Variants in TIMMDC1 observed in about 807,000 individuals in gnomAD.
TIMMDC1 encodes the protein translocase of inner mitochondrial membrane domain containing 1.
A neutral mutation model predicts 32.6 loss-of-function variants in TIMMDC1; 25 were observed. The observed-to-expected ratio is 0.77, with a 90% CI of 0.56 to 1.07. The LOEUF is 1.07. Among genes scored for constraint, TIMMDC1 ranks in the 50% least tolerant of loss-of-function variants. TIMMDC1 has a pLI of 0.00. For missense variants in TIMMDC1, 329 were observed against 349.2 expected, an observed-to-expected ratio of 0.94 and a Z score of 0.46; for synonymous variants, 130 against 127.6, an observed-to-expected ratio of 1.02 and a Z score of -0.13.
rs1560044126 is a variant in TIMMDC1 at position 119,498,905 on chromosome 3, C to T, written c.172C>T (p.Leu58Phe). The change falls in exon 1 of 7, where the codon CTC (leucine) becomes TTC (phenylalanine). Residue 58 changes from leucine to phenylalanine, a missense_variant. Coordinates refer to ENST00000494664, the MANE Select transcript of TIMMDC1 (RefSeq NM_016589.4). Reference sequence around the variant, plus strand: ...TTACCCGGAATCTGGATGGGACCGCCTCCGGGAGCTGTTTGGCAAAGAGTA... The same window carrying T: ...TTACCCGGAATCTGGATGGGACCGCTTCCGGGAGCTGTTTGGCAAAGAGTA... ...PYYPESGWDRLRELFGKDEQQ... is the reference protein window; with the variant it reads ...PYYPESGWDRFRELFGKDEQQ... 2.5e-6 allele frequency: 4 copies of T among 1,613,930 alleles called. No individual in the cohort carries two copies. The highest frequency in any genetic ancestry group is 3.4e-6 in the Non-Finnish European group (4 of 1,179,948).
chr3:119,507,048 A>C (rs1277336395), intron 4 of TIMMDC1, among the ~76,000 whole-genome samples: 1 of 152,136 alleles, frequency 6.6e-6, no homozygotes, highest in East Asian at 1.9e-4. Flanking sequence ...TTGTGTTCAC[A>C]TACTTCACTG....
At chr3:119,518,230 G>C (rs2081998692) in intron 6 of TIMMDC1, among the ~76,000 whole-genome samples, 1 of 152,102 alleles carries the variant, frequency 6.6e-6, no homozygotes, top group Admixed American at 6.5e-5. Context: ...GAATATAACA[G>C]GCTGCCATCT....
chr3:119,504,086 T>C, intron 4 of TIMMDC1, 65 bp downstream of exon 4: 1 of 1,243,034 alleles, frequency 8.0e-7, no homozygotes, highest in Non-Finnish European at 1.2e-6. Context: ...TGTAAGGACT[T>C]ATACATCAGA....
chr3:119,501,714 A>AT lies in TIMMDC1; in HGVS notation c.360+863dup, dbSNP rs564095537. The stretch of plus-strand genomic sequence containing the variant: ...TCTTATTAAAAAATTAATTAATTAA[A>AT]TTTTTTTTTGTCTGGTCCAGAATCT... On this transcript the variant is annotated intron_variant, in intron 2 of 6. Transcript: ENST00000494664. 2.6e-3 allele frequency among the ~76,000 whole-genome samples: 396 copies of AT among 151,786 alleles called. 1 individual carries two copies. The highest frequency in any genetic ancestry group is 4.5e-3 in the Non-Finnish European group (306 of 67,906).
intron 6 of TIMMDC1, among the ~76,000 whole-genome samples, chr3:119,522,799 G>GGTGGGT (rs1553780693): frequency 1.6e-4 from 20 of 127,454 alleles, no homozygotes; most frequent in Non-Finnish European, 3.2e-4. Flanking sequence ...TACACGTATG[G>GGTGGGT]GTGTTTGTGT....
chr3:119,505,515 G>A (rs902809687), intron 4 of TIMMDC1, among the ~76,000 whole-genome samples: 6 of 151,992 alleles, frequency 3.9e-5, no homozygotes, highest in African/African-American at 9.7e-5. Flanking sequence ...ACAGGCATGC[G>A]CCACCATTCC....
intron 6 of TIMMDC1, among the ~76,000 whole-genome samples, chr3:119,522,866 TTAAG>T (rs1477957076): frequency 6.6e-6 from 1 of 151,820 alleles, no homozygotes; most frequent in South Asian, 2.1e-4. Flanking sequence ...TAATAAACGT[TTAAG>T]TGTCTTGTAT....
chr3:119,506,893 C>A (rs1013647847), intron 4 of TIMMDC1, among the ~76,000 whole-genome samples: 7 of 152,176 alleles, frequency 4.6e-5, no homozygotes, highest in African/African-American at 1.7e-4. Context: ...AATGCACTTT[C>A]CCACTACCAC....
At chr3:119,516,015 A>C (rs1190383562) in intron 5 of TIMMDC1, among the ~76,000 whole-genome samples, 1 of 152,208 alleles carries the variant, frequency 6.6e-6, no homozygotes, top group Admixed American at 6.5e-5. Context: ...TACTGCTGCC[A>C]TTGCTTTTGT....
intron 5 of TIMMDC1, among the ~76,000 whole-genome samples, chr3:119,514,947 T>G (rs566433159): frequency 7.9e-5 from 12 of 152,210 alleles, no homozygotes; most frequent in African/African-American, 2.9e-4. Context: ...ACCAGCAGTT[T>G]GGGAGGCCGA....
At chr3:119,501,133 C>G (rs1417131250) in intron 2 of TIMMDC1, among the ~76,000 whole-genome samples, 6 of 152,144 alleles carry the variant, frequency 3.9e-5, no homozygotes, top group Non-Finnish European at 8.8e-5. Context: ...CCTGCTAAAT[C>G]GTCAAGGCTC....
chr3:119,506,040 T>C (rs986338120), intron 4 of TIMMDC1, among the ~76,000 whole-genome samples: 2 of 152,260 alleles, frequency 1.3e-5, no homozygotes, highest in African/African-American at 4.8e-5. Flanking sequence ...GTATCTTAGT[T>C]GTTTTTCCTG....
chr3:119,504,131 C>A, intron 4 of TIMMDC1, 110 bp downstream of exon 4: 1 of 791,750 alleles, frequency 1.3e-6, no homozygotes, highest in Non-Finnish European at 2.1e-6. Flanking sequence ...CCCATTACAT[C>A]TCATCAACAT....
intron 1 of TIMMDC1, 25 bp downstream of exon 1, chr3:119,498,952 G>C (rs1277527765): frequency 2.5e-6 from 4 of 1,609,370 alleles, no homozygotes; most frequent in Non-Finnish European, 2.5e-6. Context: ...GGTGTGAAGT[G>C]GGGTAGGGGG....
At chr3:119,502,303 T>G (rs1454139416) in intron 2 of TIMMDC1, among the ~76,000 whole-genome samples, 1 of 151,758 alleles carries the variant, frequency 6.6e-6, no homozygotes, top group Non-Finnish European at 1.5e-5. Flanking sequence ...AATCTTGGCT[T>G]GCTGCAACCT....
chr3:119,498,616 G>A lies in TIMMDC1; in HGVS notation c.-118G>A. 2 of 1,023,276 alleles carry A rather than the reference G, an allele frequency of 2.0e-6. No homozygotes were observed. The allele number at this position is 1,023,276 out of a possible 1,614,324, so 63.4% of individuals were successfully genotyped here. A position where few individuals can be genotyped will look rare whatever the true frequency, so the allele number is the denominator to read the frequency against. On this transcript the variant is annotated 5_prime_UTR_variant, in exon 1 of 7. Transcript: ENST00000494664. ...GTGGGTGTCGAGCCCTCTGGCAGAG[G>A]GTTAACCTGGGTCAAATGCACGGAT... is the stretch of plus-strand genomic sequence containing the variant.
intron 1 of TIMMDC1, 67 bp downstream of exon 1, chr3:119,498,994 C>T (rs2081846960): frequency 2.1e-6 from 3 of 1,445,762 alleles, no homozygotes; most frequent in South Asian, 2.4e-5. Flanking sequence ...GCGTGGGCAG[C>T]CTGGGTCAGC....
At chr3:119,508,934 G>C (rs1427989816) in intron 4 of TIMMDC1, among the ~76,000 whole-genome samples, 1 of 152,164 alleles carries the variant, frequency 6.6e-6, no homozygotes, top group Non-Finnish European at 1.5e-5. Context: ...GGCCAGGTGT[G>C]GTGGCTTATG....
chr3:119,505,860 C>T (rs1336592728), intron 4 of TIMMDC1, among the ~76,000 whole-genome samples: 1 of 152,184 alleles, frequency 6.6e-6, no homozygotes, highest in East Asian at 1.9e-4. Context: ...CACTCTCCCT[C>T]TTCTCTGTGT....
Sources: gnomAD v4.1 joint callset for allele counts (sites outside exome capture counted in the v4.1 genomes callset) on GRCh38, gnomAD v4.1.1 for gene constraint, MANE v1.5 for transcripts, NCBI Gene and HGNC (gene_info 2026-07-23, HGNC 2026-07-21) for gene names.